The following SHLD1 variants were observed in gnomAD, a reference collection of about 807,000 sequenced individuals.
The protein encoded by SHLD1 is shieldin complex subunit 1, also known as RINN1-REV7-interacting novel NHEJ regulator 3.
A neutral mutation model predicts 5.5 loss-of-function variants in SHLD1; 3 were observed. That is an observed-to-expected ratio of 0.54 (90% CI 0.25 to 1.40). The LOEUF is 1.40. Among genes scored for constraint, SHLD1 ranks in the 40% most tolerant of loss-of-function variants. The pLI, the probability that SHLD1 is intolerant of heterozygous loss-of-function variation, is 0.15. For missense variants in SHLD1, 210 were observed against 244.4 expected (o/e 0.86, Z 0.94); for synonymous variants, 92 against 94.3 (o/e 0.98, Z 0.14).
chr20:5,850,550 G>A (rs1357066401), intron 2 of SHLD1, among the ~76,000 whole-genome samples: 5 of 144,536 alleles, frequency 3.5e-5, no homozygotes, highest in African/African-American at 5.2e-5. Flanking sequence ...TTGCTCTGTC[G>A]CCCAAGTGGG....
chr20:5,767,541 G>C (rs1404952732), intron 1 of SHLD1, among the ~76,000 whole-genome samples: 1 of 152,102 alleles, frequency 6.6e-6, no homozygotes, highest in Non-Finnish European at 1.5e-5. Context: ...TCATTCATGT[G>C]CTCTTCCTTT....
intron 2 of SHLD1, among the ~76,000 whole-genome samples, chr20:5,856,163 C>G (rs1411432919): frequency 6.6e-6 from 1 of 152,222 alleles, no homozygotes; most frequent in African/African-American, 2.4e-5. Flanking sequence ...CTGGCCCATT[C>G]TGACTGAGAA....
chr20:5,813,472 G>A (rs2087487757), intron 2 of SHLD1, among the ~76,000 whole-genome samples: 1 of 152,190 alleles, frequency 6.6e-6, no homozygotes, highest in Non-Finnish European at 1.5e-5. Flanking sequence ...TTGGGTGACA[G>A]AGCAAGACTA....
intron 2 of SHLD1, among the ~76,000 whole-genome samples, chr20:5,811,513 G>A (rs548250474): frequency 2.0e-5 from 3 of 152,016 alleles, no homozygotes; most frequent in African/African-American, 4.8e-5. Context: ...GACCAGACTG[G>A]TGTCTTCTGG....
At chr20:5,848,571 A>G (rs1363222300) in intron 2 of SHLD1, among the ~76,000 whole-genome samples, 5 of 152,208 alleles carry the variant, frequency 3.3e-5, no homozygotes, top group Admixed American at 2.6e-4. Flanking sequence ...GTCAGCTTTA[A>G]GTGTTTCATA....
intron 2 of SHLD1, among the ~76,000 whole-genome samples, chr20:5,779,972 G>GTTTTTTTTTTTTTTTTTTTTTTTTTTTTT (rs11381238): frequency 1.2e-5 from 1 of 81,786 alleles, no homozygotes. Flanking sequence ...TACAATTTCT[G>GTTTTTTTTTTTTTTTTTTTTTTTTTTTTT]TTTTTTTTTT....
At chr20:5,846,282 G>A (rs1403295126) in intron 2 of SHLD1, among the ~76,000 whole-genome samples, 3 of 152,162 alleles carry the variant, frequency 2.0e-5, no homozygotes, top group Non-Finnish European at 4.4e-5. Flanking sequence ...CCCAGGAAAC[G>A]GGGAATTATC....
intron 2 of SHLD1, among the ~76,000 whole-genome samples, chr20:5,803,115 C>T (rs1047802528): frequency 6.6e-6 from 1 of 152,118 alleles, no homozygotes; most frequent in Non-Finnish European, 1.5e-5. Context: ...GACCAGGGGG[C>T]CTTGTGAACA....
chr20:5,858,098 C>CA lies in SHLD1; in HGVS notation c.179-4908dup, dbSNP rs11300827. The stretch of plus-strand genomic sequence containing the variant: ...TGGGCGACAGAGTGAGACTCCATCT[C>CA]AAAAAAAAAAAAAAAAAAGTCTTAG... On this transcript the variant is annotated intron_variant, in intron 2 of 2. Coordinates refer to ENST00000303142, the MANE Select transcript of SHLD1 (RefSeq NM_152504.4). 6.8e-3 allele frequency among the ~76,000 whole-genome samples: 762 copies of CA among 111,388 alleles called. 6 individuals are homozygous for CA. Among genetic ancestry groups the CA allele is most frequent in the African/African-American group, 0.02 (632 of 31,376 alleles). 73.1% of individuals were successfully genotyped at this position (111,388 alleles called of 152,430 possible).
chr20:5,794,183 T>C (rs1271742449), intron 2 of SHLD1, among the ~76,000 whole-genome samples: 2 of 152,230 alleles, frequency 1.3e-5, no homozygotes, highest in Non-Finnish European at 2.9e-5. Context: ...CTTCACTCTT[T>C]CTTAGTTTCC....
chr20:5,764,965 G>T (rs1352865038), intron 1 of SHLD1: 1 of 152,148 alleles, frequency 6.6e-6, no homozygotes, highest in Admixed American at 6.6e-5. Context: ...AAGAATGGCT[G>T]TCTCCTCCTG....
At chr20:5,857,617 T>G (rs958115296) in intron 2 of SHLD1, among the ~76,000 whole-genome samples, 1 of 151,968 alleles carries the variant, frequency 6.6e-6, no homozygotes. Context: ...GAGATCAGCC[T>G]GGGCAACGTG....
At chr20:5,811,513 G>C (rs548250474) in intron 2 of SHLD1, among the ~76,000 whole-genome samples, 1 of 152,134 alleles carries the variant, frequency 6.6e-6, no homozygotes, top group Middle Eastern at 3.4e-3. Flanking sequence ...GACCAGACTG[G>C]TGTCTTCTGG....
At chr20:5,790,478 A>C (rs1600124923) in intron 2 of SHLD1, among the ~76,000 whole-genome samples, 1 of 113,438 alleles carries the variant, frequency 8.8e-6, no homozygotes, top group Admixed American at 1.1e-4. Flanking sequence ...TTTGAGTTGG[A>C]GTCTCACTGT....
chr20:5,773,907 T>A (rs1488778757), intron 2 of SHLD1, among the ~76,000 whole-genome samples: 4 of 151,964 alleles, frequency 2.6e-5, no homozygotes, highest in South Asian at 4.2e-4. Context: ...GTCGTTAATA[T>A]TAAGAAATCC....
At chr20:5,787,267 G>A (rs1366706154) in intron 2 of SHLD1, among the ~76,000 whole-genome samples, 1 of 152,172 alleles carries the variant, frequency 6.6e-6, no homozygotes, top group African/African-American at 2.4e-5. Context: ...AAGAAAACAA[G>A]TCAGGAATTT....
At chr20:5,801,264 C>T (rs148440604) in intron 2 of SHLD1, among the ~76,000 whole-genome samples, 1,771 of 152,038 alleles carry the variant, frequency 0.012, 32 homozygotes, top group Non-Finnish European at 0.014. Context: ...TTAGTAGAGA[C>T]GGGGTTTCAC....
At chr20:5,823,452 G>GT (rs35984067) in intron 2 of SHLD1, among the ~76,000 whole-genome samples, 149 of 141,606 alleles carry the variant, frequency 1.1e-3, no homozygotes, top group Middle Eastern at 3.6e-3. Flanking sequence ...GTTGTTTTTT[G>GT]TTTTTTTTTT....
chr20:5,776,840 G>A (rs899623049), intron 2 of SHLD1, among the ~76,000 whole-genome samples: 2 of 152,054 alleles, frequency 1.3e-5, no homozygotes, highest in African/African-American at 4.8e-5. Flanking sequence ...CCCCATGGAA[G>A]GCTCTGGGTG....
Sources: gnomAD v4.1 joint callset for allele counts (sites outside exome capture counted in the v4.1 genomes callset) on GRCh38, gnomAD v4.1.1 for gene constraint, MANE v1.5 for transcripts, NCBI Gene and HGNC (gene_info 2026-07-23, HGNC 2026-07-21) for gene names.